UQCRC1: variants seen among roughly 807,000 people sequenced by gnomAD.
UQCRC1 encodes the protein ubiquinol-cytochrome c reductase core protein 1.
Under a neutral mutation model 58.0 loss-of-function variants are expected in UQCRC1, and 34 were observed. That is an observed-to-expected ratio of 0.59 (90% CI 0.45 to 0.78). The LOEUF (loss-of-function observed/expected upper bound fraction) is 0.78, where lower values mean the gene tolerates loss of function less well. Ranked by LOEUF, UQCRC1 falls within the 30% of genes least tolerant of loss-of-function variation. The pLI is 0.00. For missense variants in UQCRC1, 610 were observed against 646.0 expected, an observed-to-expected ratio of 0.94 and a Z score of 0.60; for synonymous variants, 276 against 248.8, an observed-to-expected ratio of 1.11 and a Z score of -1.03.
chr3:48,609,077 C>T (rs548573537), intron 2 of UQCRC1, 85 bp downstream of exon 2: 1 of 1,521,384 alleles, frequency 6.6e-7, no homozygotes, highest in East Asian at 2.3e-5. Context: ...AACGGGAAGA[C>T]TCGAGCCCAA....
At chr3:48,605,445 T>G (rs2046402879) in intron 3 of UQCRC1, among the ~76,000 whole-genome samples, 1 of 152,210 alleles carries the variant, frequency 6.6e-6, no homozygotes, top group Non-Finnish European at 1.5e-5. Context: ...GAACATTTCA[T>G]AAGCAAGCAT....
At position 48,600,506 on chromosome 3, in the gene UQCRC1, T is replaced by G. The variant is rs759036670; in HGVS notation, c.1189A>C (p.Asn397His). 6.2e-7 allele frequency: 1 copy of G among 1,614,068 alleles called. No homozygotes were observed. The highest frequency in any genetic ancestry group is 1.7e-5 in the Admixed American group (1 of 60,016). Residue 397 changes from asparagine (N) to histidine (H), a missense_variant, in exon 10 of 13, where the codon AAT (asparagine) becomes CAT (histidine). Transcript: ENST00000203407. Reference protein sequence around the residue: ...EVARGKNILRNALVSHLDGTT... With the variant: ...EVARGKNILRHALVSHLDGTT... ...CCATCTAGATGAGATACCAGGGCAT[T>G]TCTGAGGATGTTTTTGCCCCGGGCC...
rs1284192379 is a variant in UQCRC1, at chr3:48,607,714, G to A, written c.210+1448C>T. Among the ~76,000 whole-genome samples, 3 of 152,034 alleles carry A rather than the reference G, an allele frequency of 2.0e-5. No homozygotes were observed. In the East Asian group the frequency reaches 5.8e-4, roughly 29 times the overall value. ...CCTGGAATTACTGGTGTAAGCCACT[G>A]TGCCCCGCCCACAAGTGTGATGTCA... On this transcript the variant is annotated intron_variant, in intron 2 of 12. Transcript: ENST00000203407.
At position 48,601,451 on chromosome 3, in the gene UQCRC1, T is replaced by C; in HGVS notation, c.723A>G (p.Gln241=). The part of the protein sequence containing the change: ...LAAAGGVEHQ[Q]LLDLAQKHLG... ...GGTGCTTCTGGGCGAGGTCTAACAG[T>C]TGCTGGTGCTCCACTCCTGCTGAGA... is the stretch of plus-strand genomic sequence containing the variant. The change falls in exon 7 of 13, where the codon CAA becomes CAG. Residue 241 remains glutamine (Q), a synonymous_variant. Coordinates refer to ENST00000203407, the MANE Select transcript of UQCRC1 (RefSeq NM_003365.3). 1 of 1,614,082 alleles carries C rather than the reference T, an allele frequency of 6.2e-7. No individual in the cohort carries two copies. Among genetic ancestry groups the C allele is most frequent in the Non-Finnish European group, 8.5e-7 (1 of 1,179,996 alleles).
intron 6 of UQCRC1, 51 bp downstream of exon 6, chr3:48,603,513 A>G: frequency 6.3e-7 from 1 of 1,594,792 alleles, no homozygotes; most frequent in South Asian, 1.1e-5. Context: ...CGGCTTTGAT[A>G]ACCAAGGCTG....
At chr3:48,604,986 CAG>C (rs1368554999) in intron 3 of UQCRC1, among the ~76,000 whole-genome samples, 2 of 152,174 alleles carry the variant, frequency 1.3e-5, no homozygotes, top group Non-Finnish European at 2.9e-5. Flanking sequence ...GCCAACAGAA[CAG>C]AGATAGCCAG....
At chr3:48,607,180 T>C (rs986492420) in intron 2 of UQCRC1, among the ~76,000 whole-genome samples, 7 of 152,204 alleles carry the variant, frequency 4.6e-5, no homozygotes, top group Non-Finnish European at 1.5e-5. Flanking sequence ...TAGCTGGAAC[T>C]ACAGGCGCCC....
intron 3 of UQCRC1, 30 bp from the exon 4 acceptor site, chr3:48,604,810 G>A (rs1381265279): frequency 1.2e-6 from 2 of 1,612,910 alleles, no homozygotes; most frequent in South Asian, 2.2e-5. Flanking sequence ...AGAACAATCA[G>A]GAGCTACACA....
chr3:48,601,218 G>A (rs2046362515), intron 7 of UQCRC1, 100 bp from the exon 8 acceptor site: 1 of 1,535,744 alleles, frequency 6.5e-7, no homozygotes. Flanking sequence ...GAACATGTGT[G>A]CCTGTGATGC....
At chr3:48,600,654 C>T (rs2046355798) in intron 9 of UQCRC1, 26 bp downstream of exon 9, 1 of 1,614,022 alleles carries the variant, frequency 6.2e-7, no homozygotes, top group South Asian at 1.1e-5. Context: ...CGCCATCCCA[C>T]CTAGGAATAC....
At position 48,600,349 on chromosome 3, in the gene UQCRC1, G is replaced by C; in HGVS notation, c.1213+133C>G. 3 of 1,187,654 alleles carry C rather than the reference G, an allele frequency of 2.5e-6. No homozygotes were observed. The South Asian group carries it at 4.2e-5, about 16-fold the overall frequency. 73.6% of individuals were successfully genotyped at this position (1,187,654 alleles called of 1,614,324 possible). A position where few individuals can be genotyped will look rare whatever the true frequency, so the allele number is the denominator to read the frequency against. On this transcript the variant is annotated intron_variant, in intron 10 of 12. Transcript: ENST00000203407. ...TCTCACACCTGCCTGCATCTCCAAGGGTGGGGTGATGGGGCATGGCGTGGT... is the reference window on the plus strand; with the variant it reads ...TCTCACACCTGCCTGCATCTCCAAGCGTGGGGTGATGGGGCATGGCGTGGT...
At chr3:48,605,688 A>G (rs2046405098) in intron 3 of UQCRC1, 82 bp downstream of exon 3, 2 of 1,389,920 alleles carry the variant, frequency 1.4e-6, no homozygotes, top group Admixed American at 4.2e-5. Context: ...GCCCATAATC[A>G]GGCTAATTTT....
At chr3:48,599,346 A>G in intron 12 of UQCRC1, 154 bp from the exon 13 acceptor site, 2 of 911,368 alleles carry the variant, frequency 2.2e-6, no homozygotes, top group Middle Eastern at 3.5e-4. Flanking sequence ...AGGGGTGCTG[A>G]GCCTGTCCCT....
chr3:48,600,588 G>A (rs2046355452), intron 9 of UQCRC1, 21 bp from the exon 10 acceptor site: 2 of 1,614,002 alleles, frequency 1.2e-6, no homozygotes, highest in Non-Finnish European at 8.5e-7. Flanking sequence ...GGGGTGGGTG[G>A]TATTCATTCT....
At chr3:48,601,745 G>C (rs1326335137) in intron 6 of UQCRC1, among the ~76,000 whole-genome samples, 2 of 152,176 alleles carry the variant, frequency 1.3e-5, no homozygotes, top group African/African-American at 4.8e-5. Flanking sequence ...TCCAAGTGTG[G>C]GTTCTCACTT....
At chr3:48,604,855 C>T in intron 3 of UQCRC1, 75 bp from the exon 4 acceptor site, 1 of 1,584,362 alleles carries the variant, frequency 6.3e-7, no homozygotes, top group South Asian at 1.1e-5. Context: ...AGGCTAAACA[C>T]CCAGCAGGAC....
chr3:48,599,728 G>C lies in UQCRC1; in HGVS notation c.1303-18C>G, dbSNP rs753033546. ...TCCACCTCCTGCAGGGTGAGGCAGA[G>C]GGCATACTGGCTAACGGGCACCTGG... On this transcript the variant is annotated intron_variant, in intron 11 of 12. Coordinates refer to ENST00000203407, the MANE Select transcript of UQCRC1 (RefSeq NM_003365.3). 1 of 1,613,278 alleles carries C rather than the reference G, an allele frequency of 6.2e-7. No individual in the cohort carries two copies. Among genetic ancestry groups the C allele is most frequent in the South Asian group, 1.1e-5 (1 of 91,078 alleles).
intron 1 of UQCRC1, 44 bp from the exon 2 acceptor site, chr3:48,609,346 C>A (rs1183529547): frequency 6.3e-7 from 1 of 1,578,268 alleles, no homozygotes; most frequent in East Asian, 2.3e-5. Flanking sequence ...GTCAGGGGAT[C>A]GCTCCCCACC....
chr3:48,601,414 G>C lies in UQCRC1; in HGVS notation c.760C>G (p.Pro254Ala), dbSNP rs1230914282. ...ACAGCGTCCTCTGCATATGTCCATG[G>C]GATGCCACCGAGGTGCTTCTGGGCG... ...DLAQKHLGGI[P>A]WTYAEDAVPT... is the part of the protein sequence containing the mutation. Residue 254 changes from proline (P) to alanine (A), a missense_variant, in exon 7 of 13, where the codon CCA (proline) becomes GCA (alanine). Transcript: ENST00000203407. 6.2e-7 allele frequency: 1 copy of C among 1,614,064 alleles called. No individual in the cohort carries two copies. The highest frequency in any genetic ancestry group is 8.5e-7 in the Non-Finnish European group (1 of 1,180,044).
Sources: gnomAD v4.1 joint callset for allele counts (sites outside exome capture counted in the v4.1 genomes callset) on GRCh38, gnomAD v4.1.1 for gene constraint, MANE v1.5 for transcripts, NCBI Gene and HGNC (gene_info 2026-07-23, HGNC 2026-07-21) for gene names.